The following AOPEP variants were observed in gnomAD, a reference collection of about 807,000 sequenced individuals.
AOPEP encodes the protein aminopeptidase O (putative), also known as aminopeptidase O.
A neutral mutation model predicts 98.1 loss-of-function variants in AOPEP; 77 were observed. The observed-to-expected ratio is 0.78, with a 90% confidence interval of 0.65 to 0.95. The LOEUF (loss-of-function observed/expected upper bound fraction) is 0.95. Among genes scored for constraint, AOPEP ranks in the 40% least tolerant of loss-of-function variants. AOPEP has a pLI of 0.00. For synonymous variants in AOPEP, 346 were observed against 365.3 expected (o/e 0.95, Z 0.60); for missense variants, 1,024 against 1,024.7 (o/e 1.00, Z 0.01).
At chr9:94,941,008 A>G (rs948147035) in intron 7 of AOPEP, among the ~76,000 whole-genome samples, 3 of 152,264 alleles carry the variant, frequency 2.0e-5, no homozygotes, top group Admixed American at 2.0e-4. Flanking sequence ...AAAAAGTGCA[A>G]GAATGCCTGG....
intron 5 of AOPEP, among the ~76,000 whole-genome samples, chr9:94,921,746 C>T (rs996549840): frequency 1.3e-5 from 2 of 152,084 alleles, no homozygotes; most frequent in Non-Finnish European, 2.9e-5. Flanking sequence ...CCAAACGGGC[C>T]CCGGAGGCTT....
intron 5 of AOPEP, among the ~76,000 whole-genome samples, chr9:94,802,407 C>T (rs62578969): frequency 0.03 from 4,535 of 152,218 alleles, 116 homozygotes; most frequent in Non-Finnish European, 0.042. Context: ...TTTTCATGCA[C>T]AGGATTCTGT....
At chr9:94,744,174 C>G (rs905338915) in intron 1 of AOPEP, among the ~76,000 whole-genome samples, 1 of 151,892 alleles carries the variant, frequency 6.6e-6, no homozygotes, top group South Asian at 2.1e-4. Context: ...GGGCGGATCA[C>G]GAGGTCAGGA....
chr9:95,137,699 G>C, the AOPEP span, among the ~76,000 whole-genome samples: 1 of 152,228 alleles, frequency 6.6e-6, no homozygotes, highest in Non-Finnish European at 1.5e-5. Flanking sequence ...TCCGGGAGAG[G>C]AATTGGCTGA....
chr9:95,005,187 G>T lies in AOPEP; in HGVS notation c.2007G>T (p.Ala669=). 1 of 1,148,936 alleles carries T rather than the reference G, an allele frequency of 8.7e-7. No homozygotes were observed. Among genetic ancestry groups the T allele is most frequent in the South Asian group, 3.3e-5 (1 of 30,014 alleles). The allele number at this position is 1,148,936 out of a possible 1,614,324, so 71.2% of individuals were successfully genotyped here. ...KPLQRERRAG[A]ECGLARQVRA... is the part of the protein sequence containing the mutation. Reference sequence around the variant, plus strand: ...TGCAGAGGGAGCGTCGCGCCGGGGCGGAGTGCGGGCTTGCGCGGCAAGTGC... The same window carrying T: ...TGCAGAGGGAGCGTCGCGCCGGGGCTGAGTGCGGGCTTGCGCGGCAAGTGC... Residue 669 remains alanine, a synonymous_variant, in exon 12 of 17, where the codon GCG becomes GCT. Transcript: ENST00000375315.
At chr9:94,780,918 C>G (rs1223461767) in intron 3 of AOPEP, among the ~76,000 whole-genome samples, 1 of 152,188 alleles carries the variant, frequency 6.6e-6, no homozygotes, top group African/African-American at 2.4e-5. Context: ...CAGATAACAG[C>G]AACAGAAATG....
intron 5 of AOPEP, among the ~76,000 whole-genome samples, chr9:94,877,503 A>G (rs1004921272): frequency 6.7e-6 from 1 of 150,248 alleles, no homozygotes; most frequent in Admixed American, 6.7e-5. Context: ...GCTTACTGCA[A>G]CCTCTGCCTC....
intron 13 of AOPEP, among the ~76,000 whole-genome samples, chr9:95,050,432 T>G (rs1036477369): frequency 6.6e-6 from 1 of 152,204 alleles, no homozygotes; most frequent in African/African-American, 2.4e-5. Context: ...GTAAACTGTG[T>G]GGACGAGAAT....
Position 94,803,611 on chromosome 9 carries a change from A to G in AOPEP, c.1364+2609A>G, listed in dbSNP as rs1441335429. ...TGATAATGACAAATCAGTTTATAAGAAGGTAAATAATACACAAATAATATT... is the reference window on the plus strand; with the variant it reads ...TGATAATGACAAATCAGTTTATAAGGAGGTAAATAATACACAAATAATATT... On this transcript the variant is annotated intron_variant, in intron 5 of 16. Transcript: ENST00000375315. Among the ~76,000 whole-genome samples, 5 of 152,252 alleles carry G rather than the reference A, an allele frequency of 3.3e-5. No homozygotes were observed. In the East Asian group the frequency reaches 9.6e-4, roughly 29 times the overall value.
At chr9:94,912,371 C>A (rs2052176631) in intron 5 of AOPEP, among the ~76,000 whole-genome samples, 1 of 152,170 alleles carries the variant, frequency 6.6e-6, no homozygotes, top group Non-Finnish European at 1.5e-5. Flanking sequence ...TTGAGGTACT[C>A]TGACTTGCCC....
chr9:94,750,983 G>A (rs954541835), intron 1 of AOPEP, among the ~76,000 whole-genome samples: 6 of 151,938 alleles, frequency 3.9e-5, no homozygotes, highest in South Asian at 4.2e-4. Context: ...TCCTGACCTC[G>A]TGATCCGCCC....
At chr9:95,113,028 C>A in the AOPEP span, among the ~76,000 whole-genome samples, 3 of 152,232 alleles carry the variant, frequency 2.0e-5, no homozygotes, top group Non-Finnish European at 4.4e-5. Context: ...GTTTATGCCA[C>A]CTGCATCTAC....
intron 5 of AOPEP, among the ~76,000 whole-genome samples, chr9:94,905,362 TA>T (rs2050985236): frequency 1.3e-5 from 2 of 152,360 alleles, no homozygotes; most frequent in South Asian, 4.1e-4. Context: ...TAAGGAGGAT[TA>T]TTTTAAAACA....
chr9:95,047,845 GTCC>G (rs1450140718), intron 13 of AOPEP, among the ~76,000 whole-genome samples: 1 of 152,198 alleles, frequency 6.6e-6, no homozygotes, highest in Non-Finnish European at 1.5e-5. Context: ...CATTAAAGCT[GTCC>G]TTGCATACAG....
intron 10 of AOPEP, among the ~76,000 whole-genome samples, chr9:94,975,637 A>G (rs1254402274): frequency 6.6e-6 from 1 of 152,216 alleles, no homozygotes; most frequent in African/African-American, 2.4e-5. Flanking sequence ...GCTGCCCTGC[A>G]GATCCGTCCC....
intron 14 of AOPEP, among the ~76,000 whole-genome samples, chr9:95,072,541 G>A (rs1398531768): frequency 6.6e-6 from 1 of 152,120 alleles, no homozygotes; most frequent in Non-Finnish European, 1.5e-5. Flanking sequence ...GCTGAGGTGG[G>A]AGGATCACTT....
intron 1 of AOPEP, among the ~76,000 whole-genome samples, chr9:94,737,140 TTTTCTG>T (rs1042120828): frequency 6.6e-6 from 1 of 152,130 alleles, no homozygotes; most frequent in Non-Finnish European, 1.5e-5. Flanking sequence ...TCTTCTTTTT[TTTTCTG>T]TTAGACAGAG....
the AOPEP span, among the ~76,000 whole-genome samples, chr9:95,130,778 A>G: frequency 6.6e-6 from 1 of 152,226 alleles, no homozygotes; most frequent in Non-Finnish European, 1.5e-5. Context: ...CTTTCTTCTT[A>G]AAAAGAAGAT....
chr9:95,088,559 G>C (rs755908092), downstream of AOPEP, among the ~76,000 whole-genome samples: 3 of 152,022 alleles, frequency 2.0e-5, no homozygotes, highest in Non-Finnish European at 2.9e-5. Context: ...CTTTCACTGA[G>C]GCAGAGCCAG....
Sources: allele counts gnomAD v4.1 joint callset (sites outside exome capture counted in the v4.1 genomes callset), GRCh38; gene constraint gnomAD v4.1.1; transcripts MANE v1.5; gene names NCBI Gene and HGNC (gene_info 2026-07-23, HGNC 2026-07-21).